ACOT1: variants seen among roughly 807,000 people sequenced by gnomAD.
ACOT1 encodes acyl-CoA thioesterase 1.
Under a neutral mutation model 15.7 loss-of-function variants are expected in ACOT1, and 8 were observed. The observed-to-expected ratio is 0.51, with a 90% CI of 0.30 to 0.92. The LOEUF is 0.92. Among genes scored for constraint, ACOT1 ranks in the 40% least tolerant of loss-of-function variants. The pLI, the probability that ACOT1 is intolerant of heterozygous loss-of-function variation, is 0.06. For missense variants in ACOT1, 151 were observed against 539.4 expected (o/e 0.28, Z 7.13); for synonymous variants, 67 against 241.2 (o/e 0.28, Z 6.69).
chr14:73,517,948 T>G, the ACOT1 span, among the ~76,000 whole-genome samples: 2 of 152,078 alleles, frequency 1.3e-5, no homozygotes, highest in Non-Finnish European at 2.9e-5. Context: ...TAGCTGGGTG[T>G]GGTGGCGCGC....
At chr14:73,512,374 G>A in the ACOT1 span, among the ~76,000 whole-genome samples, 15 of 152,256 alleles carry the variant, frequency 9.9e-5, no homozygotes, top group African/African-American at 2.4e-4. Flanking sequence ...CAACCCCATC[G>A]TATCTATCTC....
the ACOT1 span, chr14:73,492,064 G>A: frequency 6.2e-7 from 1 of 1,613,998 alleles, no homozygotes. This position sits in a 1 kb window ranked among gnomAD's most constrained non-coding sequence, Gnocchi z 4.9. Context: ...CCTTCGTGCT[G>A]CAGCTGGAAG....
chr14:73,496,964 C>T, the ACOT1 span, among the ~76,000 whole-genome samples: 1 of 152,206 alleles, frequency 6.6e-6, no homozygotes, highest in East Asian at 1.9e-4. Context: ...GATCTCGTCT[C>T]GGCTCACTGC....
the ACOT1 span, among the ~76,000 whole-genome samples, chr14:73,522,099 AG>A: frequency 2.0e-5 from 3 of 152,242 alleles, no homozygotes; most frequent in Non-Finnish European, 4.4e-5. Context: ...GAATGTCAGC[AG>A]TGCAAATTGA....
chr14:73,491,349 C>T, the ACOT1 span: 1 of 1,436,014 alleles, frequency 7.0e-7, no homozygotes. Context: ...GCCTCGCCCG[C>T]CGCGCGCTCC....
Position 73,542,954 on chromosome 14 carries a change from G to A in ACOT1, c.661-96G>A. 1.7e-6 allele frequency: 2 copies of A among 1,168,628 alleles called. 1 individual carries two copies. The highest frequency in any genetic ancestry group is 2.3e-6 in the Non-Finnish European group (2 of 878,916). 72.4% of individuals were successfully genotyped at this position (1,168,628 alleles called of 1,614,324 possible). A position where few individuals can be genotyped will look rare whatever the true frequency, so the allele number is the denominator to read the frequency against. ...GGGTAAATGGTAGAACCCAGATTCA[G>A]ACTCAGGTTCAACTAACTTCCAGGG... On this transcript the variant is annotated intron_variant, in intron 2 of 2. Coordinates refer to ENST00000311148, the MANE Select transcript of ACOT1 (RefSeq NM_001037161.2).
chr14:73,503,008 C>A, the ACOT1 span: 1 of 1,610,348 alleles, frequency 6.2e-7, no homozygotes, highest in South Asian at 1.1e-5. Flanking sequence ...ACTTATGTTT[C>A]ATATCCTATA....
At chr14:73,519,017 G>A in the ACOT1 span, 7 of 1,610,636 alleles carry the variant, frequency 4.3e-6, no homozygotes, top group Non-Finnish European at 5.9e-6. Flanking sequence ...TTAGCTTCCT[G>A]CTTACATGCT....
At chr14:73,511,115 T>A in the ACOT1 span, among the ~76,000 whole-genome samples, 1 of 152,222 alleles carries the variant, frequency 6.6e-6, no homozygotes, top group Non-Finnish European at 1.5e-5. Flanking sequence ...AAAGGTTTGT[T>A]ATCCCTTTGT....
At chr14:73,520,266 C>T in the ACOT1 span, 5,670 of 152,318 alleles carry the variant, frequency 0.037, 143 homozygotes, top group Non-Finnish European at 0.052. Context: ...GGGAAGGTGG[C>T]AAACATTTAC....
chr14:73,518,530 C>T, the ACOT1 span, among the ~76,000 whole-genome samples: 2 of 152,102 alleles, frequency 1.3e-5, no homozygotes, highest in African/African-American at 4.8e-5. Flanking sequence ...AAGATGTGCA[C>T]ATTTTGTTTC....
At chr14:73,498,294 A>C in the ACOT1 span, 1 of 1,612,800 alleles carries the variant, frequency 6.2e-7, no homozygotes, top group Non-Finnish European at 8.5e-7. Flanking sequence ...TGGATAGCCC[A>C]GAGCAGAAGA....
chr14:73,500,154 T>C, the ACOT1 span, among the ~76,000 whole-genome samples: 2 of 152,174 alleles, frequency 1.3e-5, no homozygotes, highest in African/African-American at 4.8e-5. Flanking sequence ...GGCGTGAACC[T>C]GGGAGGCGGA....
intron 1 of ACOT1, chr14:73,539,895 G>A (rs373189524): frequency 5.2e-5 from 6 of 114,724 alleles, no homozygotes; most frequent in Non-Finnish European, 5.7e-5. Flanking sequence ...GTATGTTAAG[G>A]TTTATGTAAA....
the ACOT1 span, chr14:73,508,163 T>C: frequency 6.2e-7 from 1 of 1,614,146 alleles, no homozygotes; most frequent in South Asian, 1.1e-5. Context: ...CTCAGGAGGA[T>C]ATAAGACTGT....
chr14:73,491,653 C>G, the ACOT1 span: 8 of 1,549,806 alleles, frequency 5.2e-6, no homozygotes, highest in African/African-American at 4.1e-5. Flanking sequence ...TCATCGCGCC[C>G]ATGCCGCCAG....
chr14:73,520,621 A>G, the ACOT1 span: 1 of 430,332 alleles, frequency 2.3e-6, no homozygotes, highest in Non-Finnish European at 4.1e-6. Flanking sequence ...TTGCCTCTTT[A>G]GTAAGATAGA....
Position 73,537,317 on chromosome 14 carries a change from T to C in ACOT1, c.-105T>C, listed in dbSNP as rs188235873. 8.4e-4 allele frequency: 851 copies of C among 1,009,850 alleles called. 185 individuals are homozygous for C. In the African/African-American group the frequency reaches 0.012, roughly 15 times the overall value. 62.6% of individuals were successfully genotyped at this position (1,009,850 alleles called of 1,614,324 possible). On this transcript the variant is annotated 5_prime_UTR_variant, in exon 1 of 3. Transcript: ENST00000311148. ...ACATTAGCAGACAGCTCTGCCCTAG[T>C]GGGCGTTTAGCCTGCGACGGCAGCC...
the ACOT1 span, chr14:73,495,438 G>T: frequency 6.9e-7 from 1 of 1,456,936 alleles, no homozygotes; most frequent in South Asian, 1.2e-5. Context: ...ACCTGTACTA[G>T]GCAGCAAATT....
Sources: allele counts gnomAD v4.1 joint callset (sites outside exome capture counted in the v4.1 genomes callset), GRCh38; gene constraint gnomAD v4.1.1; non-coding constraint Gnocchi (gnomAD v3.1); transcripts MANE v1.5; gene names NCBI Gene and HGNC (gene_info 2026-07-23, HGNC 2026-07-21).